The following DEUP1 variants were observed in gnomAD, a reference collection of about 807,000 sequenced individuals.
DEUP1 encodes deuterosome assembly protein 1.
DEUP1 carries 82 observed loss-of-function variants against 87.4 expected under a neutral mutation model. The observed-to-expected ratio is 0.94, with a 90% CI of 0.78 to 1.13. The LOEUF is 1.13. DEUP1 is among the 50% of genes most tolerant of loss of function. The probability of loss-of-function intolerance (pLI) is 0.00; values close to 1 mark genes in which losing one functional copy is unlikely to be tolerated. For synonymous variants in DEUP1, 214 were observed against 222.7 expected, an observed-to-expected ratio of 0.96 and a Z score of 0.35; for missense variants, 663 against 681.5, an observed-to-expected ratio of 0.97 and a Z score of 0.30.
chr11:93,330,168 G>A (rs3020060), upstream of DEUP1: 152,325 of 152,410 alleles, frequency 1, 76,120 homozygotes, highest in Non-Finnish European at 1. Context: ...GCTGGAAGAC[G>A]CTAGGGTGAA....
intron 2 of DEUP1, among the ~76,000 whole-genome samples, chr11:93,344,594 A>G (rs927337776): frequency 6.6e-6 from 1 of 151,968 alleles, no homozygotes; most frequent in Non-Finnish European, 1.5e-5. Context: ...TTTCTATTTT[A>G]GATATCTCAT....
At chr11:93,339,253 G>A (rs1420478762) in intron 2 of DEUP1, among the ~76,000 whole-genome samples, 1 of 152,164 alleles carries the variant, frequency 6.6e-6, no homozygotes, top group Non-Finnish European at 1.5e-5. Context: ...GCCATTTATG[G>A]GGAAATCCAC....
At chr11:93,375,034 C>CTTTTTTTTTTTT (rs60565734) in intron 7 of DEUP1, among the ~76,000 whole-genome samples, 2 of 126,588 alleles carry the variant, frequency 1.6e-5, no homozygotes, top group Non-Finnish European at 3.4e-5. Flanking sequence ...TTTTTCTTTT[C>CTTTTTTTTTTTT]TTTTTTTTTT....
intron 11 of DEUP1, among the ~76,000 whole-genome samples, chr11:93,402,256 A>T (rs1947141627): frequency 6.6e-6 from 1 of 151,988 alleles, no homozygotes; most frequent in Non-Finnish European, 1.5e-5. Flanking sequence ...ATGAAAAAAA[A>T]TTCAGTATCA....
chr11:93,399,148 T>C (rs1947035481), intron 11 of DEUP1, among the ~76,000 whole-genome samples: 1 of 152,202 alleles, frequency 6.6e-6, no homozygotes, highest in East Asian at 1.9e-4. Flanking sequence ...CTGAGTTTCC[T>C]TCCTTGACTA....
chr11:93,381,959 C>T (rs780216055), intron 7 of DEUP1, among the ~76,000 whole-genome samples: 25 of 152,040 alleles, frequency 1.6e-4, no homozygotes, highest in Admixed American at 3.3e-4. Flanking sequence ...TTTTATGCTT[C>T]CAACATATCT....
At position 93,400,656 on chromosome 11, in the gene DEUP1, A is replaced by G. The variant is rs192521780; in HGVS notation, c.1326+4331A>G. 3.3e-5 allele frequency among the ~76,000 whole-genome samples: 5 copies of G among 152,256 alleles called. No homozygotes were observed. In the East Asian group the frequency reaches 7.7e-4, roughly 23 times the overall value. On this transcript the variant is annotated intron_variant, in intron 11 of 13. Coordinates refer to ENST00000298050, the MANE Select transcript of DEUP1 (RefSeq NM_181645.4). ...TGGCACAGCTAAACTTATAATAGCCATATTTTAGGAATTTTGATATACTAT... is the reference window on the plus strand; with the variant it reads ...TGGCACAGCTAAACTTATAATAGCCGTATTTTAGGAATTTTGATATACTAT...
intron 7 of DEUP1, among the ~76,000 whole-genome samples, chr11:93,376,452 G>T (rs1469895096): frequency 6.6e-6 from 1 of 152,098 alleles, no homozygotes; most frequent in Non-Finnish European, 1.5e-5. Context: ...TATTTCAGTA[G>T]TATCGGTTTG....
intron 12 of DEUP1, among the ~76,000 whole-genome samples, chr11:93,412,100 G>T (rs1179112220): frequency 6.6e-6 from 1 of 152,204 alleles, no homozygotes; most frequent in African/African-American, 2.4e-5. Flanking sequence ...AAAAGGTAAA[G>T]AAGGAATCTT....
At chr11:93,377,858 A>G (rs1246395188) in intron 7 of DEUP1, among the ~76,000 whole-genome samples, 1 of 152,082 alleles carries the variant, frequency 6.6e-6, no homozygotes, top group African/African-American at 2.4e-5. Flanking sequence ...TCCTTCATTT[A>G]TGAAGCTTAG....
intron 12 of DEUP1, 137 bp from the exon 13 acceptor site, chr11:93,414,863 G>A: frequency 2.4e-6 from 1 of 424,520 alleles, no homozygotes; most frequent in Non-Finnish European, 4.3e-6. Flanking sequence ...CATATTCAAA[G>A]AAACACCCAG....
chr11:93,386,624 C>G (rs1327215987), intron 8 of DEUP1, among the ~76,000 whole-genome samples: 3 of 152,110 alleles, frequency 2.0e-5, no homozygotes, highest in Admixed American at 6.5e-5. Flanking sequence ...TCTTTGAGGT[C>G]TATGCTTAAT....
intron 4 of DEUP1, 79 bp downstream of exon 4, chr11:93,357,122 C>T (rs1193318677): frequency 1.2e-6 from 1 of 843,138 alleles, no homozygotes; most frequent in Non-Finnish European, 1.9e-6. Flanking sequence ...TAACTTTAAA[C>T]TGTTTTCAGT....
chr11:93,332,493 A>C (rs1002878639), intron 2 of DEUP1, among the ~76,000 whole-genome samples: 2 of 152,248 alleles, frequency 1.3e-5, no homozygotes, highest in Non-Finnish European at 2.9e-5. Context: ...ATCTGCACTC[A>C]AAAATCACTG....
chr11:93,373,617 A>ATATATT lies in DEUP1; in HGVS notation c.789+2342_789+2343insTTATAT, dbSNP rs1333611228. ...TACGTATATATATTTATATATGTATATATATACGTATATATATATATATAT... is the reference window on the plus strand; with the variant it reads ...TACGTATATATATTTATATATGTATATATATTTATATACGTATATATATATATATAT... On this transcript the variant is annotated intron_variant, in intron 7 of 13. Coordinates refer to ENST00000298050, the MANE Select transcript of DEUP1 (RefSeq NM_181645.4). Among the ~76,000 whole-genome samples, 137 of 29,976 alleles carry ATATATT rather than the reference A, an allele frequency of 4.6e-3. 1 individual carries two copies. Among genetic ancestry groups the ATATATT allele is most frequent in the African/African-American group, 7.8e-3 (129 of 16,470 alleles). The allele number at this position is 29,976 out of a possible 152,430, so 19.7% of individuals were successfully genotyped here. A position where few individuals can be genotyped will look rare whatever the true frequency, so the allele number is the denominator to read the frequency against.
chr11:93,420,778 CAG>C (rs1224543689), intron 13 of DEUP1, among the ~76,000 whole-genome samples: 3 of 129,166 alleles, frequency 2.3e-5, no homozygotes, highest in Non-Finnish European at 4.9e-5. Context: ...AACAGACAAA[CAG>C]AGAGCCAAAT....
At position 93,437,530 on chromosome 11, in the gene DEUP1, T is replaced by C; in HGVS notation, c.1639-13T>C. 4 of 1,592,676 alleles carry C rather than the reference T, an allele frequency of 2.5e-6. No individual in the cohort carries two copies. The highest frequency in any genetic ancestry group is 3.4e-6 in the Non-Finnish European group (4 of 1,172,386). On this transcript the variant is annotated splice_polypyrimidine_tract_variant and intron_variant, in intron 13 of 13. Coordinates refer to ENST00000298050, the MANE Select transcript of DEUP1 (RefSeq NM_181645.4). ...TGTATTCCTCACTCACTTTTCTTTC[T>C]TTCTCTCTTTAGTCTCCCCCAGATA...
intron 7 of DEUP1, 128 bp downstream of exon 7, chr11:93,371,408 C>A (rs972761068): frequency 9.5e-7 from 1 of 1,054,092 alleles, no homozygotes; most frequent in Non-Finnish European, 1.3e-6. Context: ...ATTCATATTT[C>A]CTCTTAGTAA....
At chr11:93,370,704 T>C (rs1425092002) in intron 6 of DEUP1, among the ~76,000 whole-genome samples, 1 of 152,222 alleles carries the variant, frequency 6.6e-6, no homozygotes, top group Non-Finnish European at 1.5e-5. Flanking sequence ...TTGTTTTTAT[T>C]TATTTTTGGT....
Sources: gnomAD v4.1 joint callset for allele counts (sites outside exome capture counted in the v4.1 genomes callset) on GRCh38, gnomAD v4.1.1 for gene constraint, MANE v1.5 for transcripts, NCBI Gene and HGNC (gene_info 2026-07-23, HGNC 2026-07-21) for gene names.